Variants in KHDRBS2 observed in about 807,000 individuals in gnomAD.
KHDRBS2 encodes the protein KH domain-containing, RNA-binding, signal transduction-associated protein 2.
Under a neutral mutation model 44.3 loss-of-function variants are expected in KHDRBS2, and 26 were observed. The observed-to-expected ratio is 0.59, with a 90% CI of 0.43 to 0.81. The LOEUF (loss-of-function observed/expected upper bound fraction) is 0.81, where lower values mean the gene tolerates loss of function less well. Among genes scored for constraint, KHDRBS2 ranks in the 40% least tolerant of loss-of-function variants. The probability of loss-of-function intolerance (pLI) is 0.00; values close to 1 mark genes in which losing one functional copy is unlikely to be tolerated. For synonymous variants in KHDRBS2, 194 were observed against 151.1 expected (o/e 1.28, Z -2.08); for missense variants, 476 against 433.1 (o/e 1.10, Z -0.88).
intron 1 of KHDRBS2, among the ~76,000 whole-genome samples, chr6:62,242,647 ATT>A (rs1176436773): frequency 6.6e-6 from 1 of 152,052 alleles, no homozygotes; most frequent in Non-Finnish European, 1.5e-5. Context: ...AAAAAAAAAT[ATT>A]TTTCCCCTAG....
At chr6:61,600,023 T>C in the KHDRBS2 span, among the ~76,000 whole-genome samples, 3 of 152,212 alleles carry the variant, frequency 2.0e-5, no homozygotes, top group East Asian at 3.9e-4. Context: ...AAAAATTACA[T>C]GACAGTTGGT....
At chr6:61,925,767 G>A (rs1464254001) in intron 4 of KHDRBS2, among the ~76,000 whole-genome samples, 1 of 151,166 alleles carries the variant, frequency 6.6e-6, no homozygotes, top group Non-Finnish European at 1.5e-5. Context: ...GTGGGGCAAT[G>A]AAAACATTTT....
At chr6:61,769,462 C>T (rs1780501619) in intron 6 of KHDRBS2, among the ~76,000 whole-genome samples, 1 of 152,176 alleles carries the variant, frequency 6.6e-6, no homozygotes, top group South Asian at 2.1e-4. Flanking sequence ...CACTCCCACC[C>T]TAATACTGCG....
the KHDRBS2 span, among the ~76,000 whole-genome samples, chr6:61,548,794 GTTATC>G: frequency 3.3e-5 from 5 of 152,062 alleles, no homozygotes; most frequent in African/African-American, 1.2e-4. Context: ...AAAAAGTGGA[GTTATC>G]TTTTCTCAAA....
intron 6 of KHDRBS2, among the ~76,000 whole-genome samples, chr6:61,797,581 G>A (rs1252074345): frequency 6.6e-6 from 1 of 152,004 alleles, no homozygotes; most frequent in African/African-American, 2.4e-5. Context: ...AACTGTCAGA[G>A]CCTCCCTGGG....
the KHDRBS2 span, among the ~76,000 whole-genome samples, chr6:61,639,148 A>G: frequency 1.3e-5 from 2 of 152,122 alleles, no homozygotes; most frequent in African/African-American, 4.8e-5. Context: ...TTTGCTTACT[A>G]ATTAAATATC....
intron 2 of KHDRBS2, among the ~76,000 whole-genome samples, chr6:62,071,812 T>C (rs1180473919): frequency 1.3e-5 from 2 of 152,202 alleles, no homozygotes; most frequent in Non-Finnish European, 2.9e-5. Flanking sequence ...TAGGATTGAT[T>C]TGGCAATGCG....
chr6:62,200,830 C>A (rs1432887685), intron 1 of KHDRBS2, among the ~76,000 whole-genome samples: 1 of 152,126 alleles, frequency 6.6e-6, no homozygotes, highest in Non-Finnish European at 1.5e-5. Context: ...GACTTGGAAC[C>A]AACCCAAATG....
intron 7 of KHDRBS2, among the ~76,000 whole-genome samples, chr6:61,706,225 C>G (rs1034077919): frequency 2.0e-5 from 3 of 151,846 alleles, no homozygotes; most frequent in African/African-American, 7.2e-5. Flanking sequence ...CTCATGCGAT[C>G]TTATGCCACT....
the KHDRBS2 span, among the ~76,000 whole-genome samples, chr6:61,622,644 G>C: frequency 6.6e-6 from 1 of 152,138 alleles, no homozygotes; most frequent in African/African-American, 2.4e-5. Flanking sequence ...AGAAGCCTGG[G>C]GAAAGTGATG....
intron 7 of KHDRBS2, among the ~76,000 whole-genome samples, chr6:61,712,095 C>T (rs1770601572): frequency 6.6e-6 from 1 of 151,698 alleles, no homozygotes; most frequent in African/African-American, 2.4e-5. Context: ...CATGGGGGAG[C>T]TCTTTTCACG....
At chr6:61,593,836 G>A in the KHDRBS2 span, among the ~76,000 whole-genome samples, 1 of 151,972 alleles carries the variant, frequency 6.6e-6, no homozygotes, top group Non-Finnish European at 1.5e-5. Flanking sequence ...CTTACTGCAA[G>A]GTCAGAAACT....
At chr6:61,691,230 T>G (rs899737304) in intron 8 of KHDRBS2, among the ~76,000 whole-genome samples, 2 of 152,128 alleles carry the variant, frequency 1.3e-5, no homozygotes, top group Non-Finnish European at 2.9e-5. Context: ...CTGTAAATAC[T>G]TTGAACCTAA....
At chr6:61,597,472 C>T in the KHDRBS2 span, among the ~76,000 whole-genome samples, 1 of 151,978 alleles carries the variant, frequency 6.6e-6, no homozygotes, top group South Asian at 2.1e-4. Flanking sequence ...CAAGAGGTCT[C>T]ACAGTCACTG....
At chr6:61,583,659 G>C in the KHDRBS2 span, among the ~76,000 whole-genome samples, 1 of 151,364 alleles carries the variant, frequency 6.6e-6, no homozygotes, top group African/African-American at 2.4e-5. Context: ...TTTCAATTTT[G>C]TTCTTCTTGT....
At chr6:62,280,003 G>C (rs886097818) in intron 1 of KHDRBS2, among the ~76,000 whole-genome samples, 1 of 152,196 alleles carries the variant, frequency 6.6e-6, no homozygotes, top group African/African-American at 2.4e-5. Flanking sequence ...TGTTTCTCTA[G>C]TGAGAGAGAC....
intron 6 of KHDRBS2, among the ~76,000 whole-genome samples, chr6:61,888,000 A>C (rs1163078818): frequency 1.3e-5 from 2 of 152,216 alleles, no homozygotes; most frequent in Non-Finnish European, 2.9e-5. Context: ...AATACAAGAC[A>C]GGTTTTCATA....
chr6:61,579,680 T>G, the KHDRBS2 span, among the ~76,000 whole-genome samples: 1 of 152,170 alleles, frequency 6.6e-6, no homozygotes, highest in South Asian at 2.1e-4. Flanking sequence ...TTATGAGAAT[T>G]TGGCTTAACC....
At chr6:62,253,259 C>T (rs896565502) in intron 1 of KHDRBS2, among the ~76,000 whole-genome samples, 1 of 151,958 alleles carries the variant, frequency 6.6e-6, no homozygotes, top group African/African-American at 2.4e-5. Flanking sequence ...GATTGTCTTA[C>T]ATTTTAATCA....
Sources: gnomAD v4.1 joint callset for allele counts (sites outside exome capture counted in the v4.1 genomes callset) on GRCh38, gnomAD v4.1.1 for gene constraint, MANE v1.5 for transcripts, NCBI Gene and HGNC (gene_info 2026-07-23, HGNC 2026-07-21) for gene names.